Variants in MACROD2 observed in about 807,000 individuals in gnomAD.
MACROD2 encodes the protein ADP-ribose glycohydrolase MACROD2.
In MACROD2, 36 loss-of-function variants were observed where a neutral mutation model predicts 70.4. That is an observed-to-expected ratio of 0.51 (90% CI 0.39 to 0.68). The LOEUF is 0.68. MACROD2 is among the 30% of genes least tolerant of loss of function. MACROD2 has a pLI of 0.00. For missense variants in MACROD2, 496 were observed against 538.4 expected (o/e 0.92, Z 0.78); for synonymous variants, 172 against 178.8 (o/e 0.96, Z 0.30).
At chr20:14,331,924 G>C (rs1315465995) in intron 3 of MACROD2, among the ~76,000 whole-genome samples, 2 of 152,080 alleles carry the variant, frequency 1.3e-5, no homozygotes, top group African/African-American at 4.8e-5. Context: ...GAGCCTTTCT[G>C]TCCGCCTAGG....
At chr20:14,712,338 A>C (rs2123664983) in intron 5 of MACROD2, among the ~76,000 whole-genome samples, 1 of 152,318 alleles carries the variant, frequency 6.6e-6, no homozygotes, top group Admixed American at 6.5e-5. Flanking sequence ...TTTGTTCTAG[A>C]GTCTTGGTAA....
chr20:16,005,927 A>G (rs1393768356), intron 15 of MACROD2, among the ~76,000 whole-genome samples: 1 of 152,090 alleles, frequency 6.6e-6, no homozygotes, highest in Non-Finnish European at 1.5e-5. Flanking sequence ...TGAGATTTTC[A>G]CCCTTTCAAA....
At chr20:15,269,748 A>G (rs1250452121) in intron 6 of MACROD2, among the ~76,000 whole-genome samples, 7 of 152,100 alleles carry the variant, frequency 4.6e-5, no homozygotes, top group African/African-American at 1.7e-4. Flanking sequence ...GAAGAAGACA[A>G]TTCATATTTT....
At chr20:15,328,893 A>G (rs891998756) in intron 6 of MACROD2, among the ~76,000 whole-genome samples, 2 of 152,118 alleles carry the variant, frequency 1.3e-5, no homozygotes, top group African/African-American at 4.8e-5. Flanking sequence ...AGTATATAAT[A>G]GTGTGCGTAT....
chr20:15,368,585 C>T (rs150056033), intron 6 of MACROD2, among the ~76,000 whole-genome samples: 3 of 151,868 alleles, frequency 2.0e-5, no homozygotes, highest in South Asian at 2.1e-4. Flanking sequence ...CCTTAGCCTC[C>T]GGAGTAGCTG....
chr20:14,068,240 T>G lies in MACROD2; in HGVS notation c.164-17381T>G, dbSNP rs577291889. 1.1e-4 allele frequency among the ~76,000 whole-genome samples: 16 copies of G among 152,272 alleles called. No homozygotes were observed. In the South Asian group the frequency reaches 3.3e-3, roughly 32 times the overall value. On this transcript the variant is annotated intron_variant, in intron 2 of 17. Transcript: ENST00000684519. ...ATGAAGCTTCCTTGGATAAAAATCT[T>G]AGCAACAGATTATCCTCTCGCACCC...
chr20:14,630,892 G>GTTTTCT (rs143669675), intron 4 of MACROD2, among the ~76,000 whole-genome samples: 3 of 150,768 alleles, frequency 2.0e-5, no homozygotes, highest in Non-Finnish European at 4.4e-5. Context: ...AGATTCTTGA[G>GTTTTCT]TTTTGTTTTT....
chr20:15,265,074 T>C (rs2077281406), intron 6 of MACROD2, among the ~76,000 whole-genome samples: 1 of 152,216 alleles, frequency 6.6e-6, no homozygotes, highest in Non-Finnish European at 1.5e-5. Context: ...TTTAACAGTA[T>C]GGCAGCACCT....
chr20:14,809,976 C>T (rs914528338), intron 5 of MACROD2, among the ~76,000 whole-genome samples: 1 of 152,006 alleles, frequency 6.6e-6, no homozygotes, highest in Non-Finnish European at 1.5e-5. Flanking sequence ...GGCCCAGGAC[C>T]AGACAGATTC....
At chr20:14,006,353 A>G (rs950211295) in intron 2 of MACROD2, among the ~76,000 whole-genome samples, 3 of 152,200 alleles carry the variant, frequency 2.0e-5, no homozygotes, top group Admixed American at 6.5e-5. Flanking sequence ...ATTTTATTTC[A>G]TCTATACCAG....
intron 8 of MACROD2, among the ~76,000 whole-genome samples, chr20:15,612,552 C>A (rs1160415861): frequency 3.3e-5 from 5 of 152,130 alleles, no homozygotes; most frequent in African/African-American, 9.7e-5. Context: ...TCATAGGACA[C>A]GTAGCAAAAT....
At chr20:15,001,898 A>G (rs140523882) in intron 5 of MACROD2, among the ~76,000 whole-genome samples, 4,649 of 151,788 alleles carry the variant, frequency 0.031, 112 homozygotes, top group Non-Finnish European at 0.042. Context: ...TGTCCATTGT[A>G]TCATTCTTAT....
chr20:14,086,529 A>G (rs1329953679), intron 3 of MACROD2, among the ~76,000 whole-genome samples: 7 of 152,198 alleles, frequency 4.6e-5, no homozygotes, highest in Non-Finnish European at 8.8e-5. Context: ...GATGATTTCA[A>G]TAGGGGGAGG....
At chr20:15,174,224 A>G (rs549515489) in intron 5 of MACROD2, among the ~76,000 whole-genome samples, 1 of 152,296 alleles carries the variant, frequency 6.6e-6, no homozygotes, top group African/African-American at 2.4e-5. Flanking sequence ...CTTTAAATGT[A>G]TGGTTTCTTC....
At chr20:15,189,959 A>G (rs1367609830) in intron 5 of MACROD2, among the ~76,000 whole-genome samples, 1 of 152,058 alleles carries the variant, frequency 6.6e-6, no homozygotes. Flanking sequence ...ACCTCTCCCA[A>G]TGCACTAACA....
chr20:14,594,356 A>G (rs1245609527), intron 4 of MACROD2, among the ~76,000 whole-genome samples: 1 of 152,228 alleles, frequency 6.6e-6, no homozygotes, highest in Non-Finnish European at 1.5e-5. Flanking sequence ...ATGGTTTATT[A>G]AAATATGGAA....
chr20:15,770,084 A>ATTTTTTT lies in MACROD2; in HGVS notation c.646-92657_646-92656insTTTTTTT, dbSNP rs1234797549. Among the ~76,000 whole-genome samples, 20 of 125,730 alleles carry ATTTTTTT rather than the reference A, an allele frequency of 1.6e-4. 1 individual carries two copies. The highest frequency in any genetic ancestry group is 6.2e-4 in the African/African-American group (19 of 30,714). 82.5% of individuals were successfully genotyped at this position (125,730 alleles called of 152,430 possible). ...AAATTTATTTTTTTAATTTATTTTA[A>ATTTTTTT]TTTTCTTTTTTTTTTTTTTTTTTTT... On this transcript the variant is annotated intron_variant, in intron 8 of 17. Transcript: ENST00000684519.
At chr20:14,466,958 C>G (rs899013429) in intron 3 of MACROD2, among the ~76,000 whole-genome samples, 2 of 152,158 alleles carry the variant, frequency 1.3e-5, no homozygotes, top group African/African-American at 4.8e-5. Flanking sequence ...GGGGGTGCCT[C>G]CCAGTTAGGC....
chr20:14,486,703 G>C (rs2084739092), intron 3 of MACROD2, among the ~76,000 whole-genome samples: 1 of 151,750 alleles, frequency 6.6e-6, no homozygotes, highest in Non-Finnish European at 1.5e-5. Context: ...ATTTTTAGTA[G>C]AGACGGGGTT....
Sources: allele counts gnomAD v4.1 joint callset (sites outside exome capture counted in the v4.1 genomes callset), GRCh38; gene constraint gnomAD v4.1.1; transcripts MANE v1.5; gene names NCBI Gene and HGNC (gene_info 2026-07-23, HGNC 2026-07-21).